Variants in CACNA2D3 observed in about 807,000 individuals in gnomAD.
CACNA2D3 encodes the protein calcium voltage-gated channel auxiliary subunit alpha2delta 3, also known as voltage-dependent calcium channel subunit alpha-2/delta-3.
Under a neutral mutation model 160.6 loss-of-function variants are expected in CACNA2D3, and 60 were observed. That is an observed-to-expected ratio of 0.37 (90% CI 0.30 to 0.46). The LOEUF (loss-of-function observed/expected upper bound fraction) is 0.46. CACNA2D3 is among the 20% of genes least tolerant of loss of function. The pLI, the probability that CACNA2D3 is intolerant of heterozygous loss-of-function variation, is 1.00. For synonymous variants in CACNA2D3, 558 were observed against 492.9 expected (o/e 1.13, Z -1.75); for missense variants, 1,205 against 1,365.0 (o/e 0.88, Z 1.85).
chr3:54,463,431 C>G (rs1372650899), intron 4 of CACNA2D3, among the ~76,000 whole-genome samples: 1 of 152,154 alleles, frequency 6.6e-6, no homozygotes, highest in Admixed American at 6.5e-5. Context: ...TAGATTTGGT[C>G]TTTTCACATA....
At position 54,594,857 on chromosome 3, in the gene CACNA2D3, G is replaced by A. The variant is rs534092265; in HGVS notation, c.963+12980G>A. Among the ~76,000 whole-genome samples the A allele has an allele frequency of 1.3e-3, 203 of 152,284 alleles. 1 individual carries two copies. The highest frequency in any genetic ancestry group is 4.4e-3 in the African/African-American group (182 of 41,562). On this transcript the variant is annotated intron_variant, in intron 9 of 37. Coordinates refer to ENST00000474759, the MANE Select transcript of CACNA2D3 (RefSeq NM_018398.3). ...TGAGTTGACAGAAGACTAGATAGAC[G>A]GAGAAGCTGAGAGAGTTTAAGAGAC...
At chr3:54,437,762 A>G (rs563822884) in intron 4 of CACNA2D3, among the ~76,000 whole-genome samples, 1 of 152,324 alleles carries the variant, frequency 6.6e-6, no homozygotes, top group African/African-American at 2.4e-5. Flanking sequence ...TGCAGCATGG[A>G]TGAACATGAA....
At chr3:54,470,683 G>T (rs1367794000) in intron 4 of CACNA2D3, among the ~76,000 whole-genome samples, 1 of 146,856 alleles carries the variant, frequency 6.8e-6, no homozygotes, top group Non-Finnish European at 1.5e-5. Context: ...GTATTCAAAG[G>T]CACCCATAGG....
chr3:54,287,711 A>C (rs1017473370), intron 2 of CACNA2D3, among the ~76,000 whole-genome samples: 12 of 146,336 alleles, frequency 8.2e-5, no homozygotes, highest in African/African-American at 2.8e-4. Flanking sequence ...AAGAACAGAG[A>C]TTATAACAAA....
At chr3:54,810,376 C>T (rs774008858) in intron 13 of CACNA2D3, among the ~76,000 whole-genome samples, 6 of 152,202 alleles carry the variant, frequency 3.9e-5, no homozygotes, top group Non-Finnish European at 8.8e-5. Flanking sequence ...CTTAGCTCAT[C>T]AGAGACCCCT....
At chr3:55,043,208 C>T (rs1703995189) in intron 35 of CACNA2D3, among the ~76,000 whole-genome samples, 1 of 152,000 alleles carries the variant, frequency 6.6e-6, no homozygotes, top group African/African-American at 2.4e-5. Flanking sequence ...AGTATCTGTA[C>T]CATTTTGCCT....
intron 3 of CACNA2D3, among the ~76,000 whole-genome samples, chr3:54,322,400 G>C (rs1302402292): frequency 1.3e-5 from 2 of 152,214 alleles, no homozygotes; most frequent in East Asian, 3.8e-4. Flanking sequence ...AGATGCACCA[G>C]CCCCTGTGCT....
intron 27 of CACNA2D3, among the ~76,000 whole-genome samples, chr3:54,939,072 A>G (rs1701395909): frequency 6.6e-6 from 1 of 152,200 alleles, no homozygotes; most frequent in South Asian, 2.1e-4. Context: ...GTTATTTAGC[A>G]GTTTATTATT....
intron 4 of CACNA2D3, among the ~76,000 whole-genome samples, chr3:54,480,726 G>A (rs144948837): frequency 6.6e-6 from 1 of 152,012 alleles, no homozygotes; most frequent in African/African-American, 2.4e-5. Context: ...TGGAAAACAT[G>A]GGCTTGTATT....
At position 54,496,028 on chromosome 3, in the gene CACNA2D3, T is replaced by C. The variant is rs147632005; in HGVS notation, c.382-7464T>C. Among the ~76,000 whole-genome samples the C allele has an allele frequency of 5.9e-3, 900 of 152,350 alleles. 10 individuals carry two copies. The highest frequency in any genetic ancestry group is 0.019 in the African/African-American group (805 of 41,578). On this transcript the variant is annotated intron_variant, in intron 4 of 37. Coordinates refer to ENST00000474759, the MANE Select transcript of CACNA2D3 (RefSeq NM_018398.3). ...AGTAGTAATCCATTACATGAATATATCACAGATTTGTTAATCCTTTAACTG... is the reference window on the plus strand; with the variant it reads ...AGTAGTAATCCATTACATGAATATACCACAGATTTGTTAATCCTTTAACTG...
intron 16 of CACNA2D3, among the ~76,000 whole-genome samples, chr3:54,840,021 T>C (rs932537108): frequency 7.2e-5 from 11 of 152,214 alleles, no homozygotes; most frequent in Admixed American, 2.0e-4. Flanking sequence ...ACTTGACTTT[T>C]GATGAAATTG....
rs573063671 is a variant in CACNA2D3 at position 54,941,808 on chromosome 3, C to A, written c.2450-26642C>A. 7.2e-5 allele frequency among the ~76,000 whole-genome samples: 11 copies of A among 152,250 alleles called. No homozygotes were observed. The East Asian group carries it at 2.1e-3, about 29-fold the overall frequency. ...AAAGGCTAGGGTGAGTCCCTTGGGTCTGGGGAGAGGCTTCAGGGACATGCA... is the reference window on the plus strand; with the variant it reads ...AAAGGCTAGGGTGAGTCCCTTGGGTATGGGGAGAGGCTTCAGGGACATGCA... On this transcript the variant is annotated intron_variant, in intron 27 of 37. Coordinates refer to ENST00000474759, the MANE Select transcript of CACNA2D3 (RefSeq NM_018398.3).
chr3:54,770,789 T>C (rs1394168957), intron 13 of CACNA2D3, among the ~76,000 whole-genome samples: 1 of 152,188 alleles, frequency 6.6e-6, no homozygotes, highest in East Asian at 1.9e-4. Context: ...TTTATCATAA[T>C]TGTATAAATG....
At chr3:54,710,832 G>A (rs184463776) in intron 11 of CACNA2D3, among the ~76,000 whole-genome samples, 1 of 152,134 alleles carries the variant, frequency 6.6e-6, no homozygotes, top group African/African-American at 2.4e-5. Flanking sequence ...CATTACTATA[G>A]ATTTGCTACC....
At chr3:54,538,836 A>G (rs1253774824) in intron 5 of CACNA2D3, among the ~76,000 whole-genome samples, 2 of 152,122 alleles carry the variant, frequency 1.3e-5, no homozygotes, top group African/African-American at 2.4e-5. Flanking sequence ...AGTCCATACT[A>G]TATGTATGAA....
intron 4 of CACNA2D3, among the ~76,000 whole-genome samples, chr3:54,443,810 T>C (rs2106800289): frequency 6.6e-6 from 1 of 152,342 alleles, no homozygotes; most frequent in African/African-American, 2.4e-5. Flanking sequence ...TTCCTTTGAT[T>C]TGAGTCATCG....
intron 5 of CACNA2D3, among the ~76,000 whole-genome samples, chr3:54,537,601 T>A (rs113838303): frequency 3.0e-3 from 458 of 152,150 alleles, no homozygotes; most frequent in African/African-American, 0.01. Flanking sequence ...TTCTACTGAG[T>A]TATCCCTGAT....
chr3:54,758,925 T>C (rs1702030065), intron 12 of CACNA2D3, among the ~76,000 whole-genome samples: 1 of 152,226 alleles, frequency 6.6e-6, no homozygotes, highest in Non-Finnish European at 1.5e-5. Context: ...GAGGACAGAC[T>C]CCTGGTACCC....
At chr3:54,819,673 C>A (rs567516184) in intron 14 of CACNA2D3, among the ~76,000 whole-genome samples, 2 of 152,096 alleles carry the variant, frequency 1.3e-5, no homozygotes, top group African/African-American at 4.8e-5. Flanking sequence ...GGTGAAACCA[C>A]GTCTCTTCTA....
Sources: allele counts gnomAD v4.1 joint callset (sites outside exome capture counted in the v4.1 genomes callset), GRCh38; gene constraint gnomAD v4.1.1; transcripts MANE v1.5; gene names NCBI Gene and HGNC (gene_info 2026-07-23, HGNC 2026-07-21).